Variants in ADGRB3 observed in about 807,000 individuals in gnomAD.
ADGRB3 encodes the protein brain-specific angiogenesis inhibitor 3.
In ADGRB3, 37 loss-of-function variants were observed where a neutral mutation model predicts 193.4. The ratio of observed to expected loss-of-function variants is 0.19; its 90% CI spans 0.15 to 0.25. ADGRB3 has a LOEUF of 0.25. Ranked by LOEUF, ADGRB3 falls within the 10% of genes least tolerant of loss-of-function variation. ADGRB3 has a pLI of 1.00. For synonymous variants in ADGRB3, 690 were observed against 644.2 expected (o/e 1.07, Z -1.08); for missense variants, 1,637 against 1,852.9 (o/e 0.88, Z 2.14).
intron 20 of ADGRB3, among the ~76,000 whole-genome samples, chr6:69,321,753 T>C (rs2127307032): frequency 6.6e-6 from 1 of 151,974 alleles, no homozygotes; most frequent in Non-Finnish European, 1.5e-5. Flanking sequence ...AAAGTTCATT[T>C]GAAAATTGCT....
At chr6:69,244,917 C>T (rs1224226919) in intron 20 of ADGRB3, among the ~76,000 whole-genome samples, 1 of 151,996 alleles carries the variant, frequency 6.6e-6, no homozygotes, top group Non-Finnish European at 1.5e-5. Context: ...AATTATGACA[C>T]CCAGATATAC....
chr6:69,286,874 A>G (rs1415633970), intron 20 of ADGRB3, among the ~76,000 whole-genome samples: 2 of 152,188 alleles, frequency 1.3e-5, no homozygotes, highest in East Asian at 3.9e-4. Context: ...CTGCTGTTAA[A>G]TATGTAATGT....
intron 17 of ADGRB3, among the ~76,000 whole-genome samples, chr6:69,190,914 G>T (rs2150354774): frequency 6.6e-6 from 1 of 151,244 alleles, no homozygotes; most frequent in East Asian, 1.9e-4. Flanking sequence ...GGAATAAGCT[G>T]TACCATATAG....
At chr6:69,225,947 C>T (rs896697859) in intron 17 of ADGRB3, among the ~76,000 whole-genome samples, 1 of 152,256 alleles carries the variant, frequency 6.6e-6, no homozygotes, top group Non-Finnish European at 1.5e-5. Context: ...ATTAATAAAT[C>T]ATGCTGTAAA....
At chr6:69,287,926 T>A (rs1169439518) in intron 20 of ADGRB3, among the ~76,000 whole-genome samples, 1 of 152,226 alleles carries the variant, frequency 6.6e-6, no homozygotes, top group Non-Finnish European at 1.5e-5. Flanking sequence ...TACTTTAAAC[T>A]ATGTAGGAAC....
intron 3 of ADGRB3, among the ~76,000 whole-genome samples, chr6:68,903,903 C>T (rs1766465546): frequency 1.4e-5 from 2 of 148,096 alleles, no homozygotes; most frequent in South Asian, 4.3e-4. Flanking sequence ...GAGGATGAGG[C>T]AGGAGGATTA....
At chr6:68,732,519 A>G (rs139528842) in intron 3 of ADGRB3, among the ~76,000 whole-genome samples, 1 of 152,092 alleles carries the variant, frequency 6.6e-6, no homozygotes, top group Non-Finnish European at 1.5e-5. Context: ...CATTGTTAAA[A>G]TTATGGTATG....
intron 3 of ADGRB3, among the ~76,000 whole-genome samples, chr6:68,884,013 A>G (rs1439628601): frequency 6.7e-6 from 1 of 150,138 alleles, no homozygotes; most frequent in Non-Finnish European, 1.5e-5. Flanking sequence ...ATTAAAAGAT[A>G]TTTTAAAAAA....
intron 3 of ADGRB3, among the ~76,000 whole-genome samples, chr6:68,766,174 T>C (rs1766505041): frequency 6.6e-6 from 1 of 152,072 alleles, no homozygotes; most frequent in South Asian, 2.1e-4. Context: ...CATTTATTTA[T>C]GTATTTCTCT....
chr6:68,806,948 A>G (rs1242767796), intron 3 of ADGRB3, among the ~76,000 whole-genome samples: 3 of 152,170 alleles, frequency 2.0e-5, no homozygotes, highest in African/African-American at 7.2e-5. Context: ...TGTTAAAGGT[A>G]TGCATATCTT....
chr6:69,027,686 G>A (rs1221227508), intron 13 of ADGRB3, among the ~76,000 whole-genome samples: 2 of 152,162 alleles, frequency 1.3e-5, no homozygotes, highest in South Asian at 2.1e-4. Context: ...AACAGGAAGA[G>A]CAGTGCTGTG....
chr6:68,824,653 A>AAT (rs1173332706), intron 3 of ADGRB3, among the ~76,000 whole-genome samples: 1 of 148,466 alleles, frequency 6.7e-6, no homozygotes, highest in Non-Finnish European at 1.5e-5. Flanking sequence ...ATATATTATA[A>AAT]ATATATATGT....
At chr6:68,770,677 CTTATT>C (rs1440578880) in intron 3 of ADGRB3, among the ~76,000 whole-genome samples, 1 of 151,986 alleles carries the variant, frequency 6.6e-6, no homozygotes, top group African/African-American at 2.4e-5. Flanking sequence ...ATTTTTAGAT[CTTATT>C]TTATTCTAAC....
At chr6:68,789,545 C>A (rs1043186863) in intron 3 of ADGRB3, among the ~76,000 whole-genome samples, 4 of 152,142 alleles carry the variant, frequency 2.6e-5, no homozygotes. Context: ...GATGAGCTTC[C>A]CTTTGTGGGT....
At chr6:69,106,208 A>G (rs1773210690) in intron 17 of ADGRB3, among the ~76,000 whole-genome samples, 2 of 151,188 alleles carry the variant, frequency 1.3e-5, no homozygotes, top group Admixed American at 1.3e-4. Context: ...AAAGAAAAGA[A>G]ACTTTGAAGA....
intron 13 of ADGRB3, among the ~76,000 whole-genome samples, chr6:69,031,493 C>T (rs184551897): frequency 7.0e-6 from 1 of 143,630 alleles, no homozygotes; most frequent in East Asian, 2.0e-4. Flanking sequence ...GTAGACCTAG[C>T]CACAAACATT....
chr6:68,749,799 G>T (rs1163714309), intron 3 of ADGRB3, among the ~76,000 whole-genome samples: 1 of 152,008 alleles, frequency 6.6e-6, no homozygotes, highest in Non-Finnish European at 1.5e-5. Context: ...TCTGTATCTG[G>T]CATGTTAGGC....
intron 17 of ADGRB3, chr6:69,232,386 G>T (rs1041324946): frequency 3.5e-6 from 5 of 1,413,394 alleles, no homozygotes; most frequent in Non-Finnish European, 4.6e-6. Flanking sequence ...TTATTGTTCT[G>T]CTGGGGTGGG....
At chr6:68,766,637 A>T (rs1025377380) in intron 3 of ADGRB3, among the ~76,000 whole-genome samples, 41 of 152,166 alleles carry the variant, frequency 2.7e-4, no homozygotes, top group South Asian at 2.1e-3. Context: ...TTAATAAAAC[A>T]TTTCCTTAAA....
Sources: gnomAD v4.1 joint callset for allele counts (sites outside exome capture counted in the v4.1 genomes callset) on GRCh38, gnomAD v4.1.1 for gene constraint, MANE v1.5 for transcripts, NCBI Gene and HGNC (gene_info 2026-07-23, HGNC 2026-07-21) for gene names.